LARP4B: variants seen among roughly 807,000 people sequenced by gnomAD.
The protein encoded by LARP4B is La ribonucleoprotein 4B, also known as la-related protein 4B.
A neutral mutation model predicts 89.8 loss-of-function variants in LARP4B; 12 were observed. The observed-to-expected ratio is 0.13, with a 90% CI of 0.09 to 0.22. The LOEUF (loss-of-function observed/expected upper bound fraction) is 0.22. LARP4B is among the 10% of genes least tolerant of loss of function. The probability of loss-of-function intolerance (pLI) is 1.00; values close to 1 mark genes in which losing one functional copy is unlikely to be tolerated. For synonymous variants in LARP4B, 367 were observed against 363.3 expected, an observed-to-expected ratio of 1.01 and a Z score of -0.12; for missense variants, 757 against 947.7, an observed-to-expected ratio of 0.80 and a Z score of 2.64.
At position 822,512 on chromosome 10, in the gene LARP4B, C is replaced by A; in HGVS notation, c.1485-1667G>T. Among the ~76,000 whole-genome samples the A allele has an allele frequency of 6.6e-6, 1 of 152,360 alleles. No homozygotes were observed. The highest frequency in any genetic ancestry group is 1.9e-4 in the East Asian group (1 of 5,190). On this transcript the variant is annotated intron_variant, in intron 13 of 17. Coordinates refer to ENST00000316157, the MANE Select transcript of LARP4B (RefSeq NM_015155.3). This position sits in a 1 kb window ranked among gnomAD's most constrained non-coding sequence, Gnocchi z 4.6. ...AGTGGGCCCAGCCAACACTCCCCCA[C>A]ACCCTCACTGGGCTCCACGTAACCC...
At chr10:867,609 C>A (rs1391758243) in intron 3 of LARP4B, among the ~76,000 whole-genome samples, 1 of 151,996 alleles carries the variant, frequency 6.6e-6, no homozygotes, top group Non-Finnish European at 1.5e-5. Flanking sequence ...GCCTGCGATC[C>A]CAGCATGTTG....
chr10:901,753 A>C (rs1284461586), intron 1 of LARP4B, among the ~76,000 whole-genome samples: 1 of 152,252 alleles, frequency 6.6e-6, no homozygotes, highest in African/African-American at 2.4e-5. Context: ...TGTTGCCAAT[A>C]AATTTCAAGA....
At chr10:857,673 G>C (rs1834378057) in intron 5 of LARP4B, among the ~76,000 whole-genome samples, 1 of 152,146 alleles carries the variant, frequency 6.6e-6, no homozygotes, top group South Asian at 2.1e-4. Flanking sequence ...CCACGTGTAA[G>C]GGGCTTTTGT....
the LARP4B span, among the ~76,000 whole-genome samples, chr10:945,916 C>G: frequency 1.3e-5 from 2 of 152,208 alleles, no homozygotes; most frequent in African/African-American, 4.8e-5. Context: ...CTGCGAGAAG[C>G]TGCCATCTGC....
rs1261089416 is a variant in LARP4B at position 814,425 on chromosome 10, G to A, written c.1929+317C>T. ...CGCACGCACGCAAACATACACACAC[G>A]CGCGAAATGCTGAAATGATCCTAAA... is the stretch of plus-strand genomic sequence containing the variant. On this transcript the variant is annotated intron_variant, in intron 17 of 17. Coordinates refer to ENST00000316157, the MANE Select transcript of LARP4B (RefSeq NM_015155.3). This position sits in a 1 kb window ranked among gnomAD's most constrained non-coding sequence, Gnocchi z 4.4. 7 of 409,676 alleles carry A rather than the reference G, an allele frequency of 1.7e-5. No individual in the cohort carries two copies. Among genetic ancestry groups the A allele is most frequent in the Middle Eastern group, 7.6e-4 (1 of 1,312 alleles). The allele number at this position is 409,676 out of a possible 1,614,324, so 25.4% of individuals were successfully genotyped here.
intron 1 of LARP4B, among the ~76,000 whole-genome samples, chr10:930,514 T>C (rs1465287282): frequency 6.6e-6 from 1 of 152,140 alleles, no homozygotes; most frequent in Non-Finnish European, 1.5e-5. Context: ...TTAAGAACGT[T>C]TTACGTAAAA....
the LARP4B span, among the ~76,000 whole-genome samples, chr10:940,305 C>A: frequency 1.3e-5 from 2 of 152,014 alleles, no homozygotes; most frequent in East Asian, 3.9e-4. Context: ...GCATGAGCCA[C>A]CATGCGCGGG....
chr10:958,339 CA>C, the LARP4B span, among the ~76,000 whole-genome samples: 3,448 of 152,312 alleles, frequency 0.023, 148 homozygotes, highest in African/African-American at 0.078. Flanking sequence ...CACCTGGGCG[CA>C]GACACCCCGT....
chr10:864,257 T>C lies in LARP4B; in HGVS notation c.155A>G (p.Lys52Arg), dbSNP rs764813916. 34 of 1,614,044 alleles carry C rather than the reference T, an allele frequency of 2.1e-5. No individual in the cohort carries two copies. Among genetic ancestry groups the C allele is most frequent in the Non-Finnish European group, 2.7e-5 (32 of 1,180,006 alleles). The change falls in exon 4 of 18, where the codon AAG (lysine) becomes AGG (arginine). Residue 52 changes from lysine to arginine, a missense_variant. Lys to Arg is a conservative substitution (Grantham distance 26). Transcript: ENST00000316157. ...IPPLSQVPAT[K>R]VSELNPNAEV... ...TGCATTAGGGTTCAGCTCTGAAACC[T>C]TAGTTGCTGGTACCTAGGAAGAAAT...
At chr10:988,235 C>T in the LARP4B span, 1 of 482,904 alleles carries the variant, frequency 2.1e-6, no homozygotes, top group African/African-American at 2.0e-5. Flanking sequence ...CCGCGCTCCC[C>T]CTAAAACCCG....
intron 3 of LARP4B, among the ~76,000 whole-genome samples, chr10:864,957 CAAAA>C (rs1834822701): frequency 6.6e-6 from 1 of 151,938 alleles, no homozygotes; most frequent in South Asian, 2.1e-4. Flanking sequence ...ATCTCTAAAA[CAAAA>C]GAAAGAAAGA....
At chr10:906,938 C>A (rs897354932) in intron 1 of LARP4B, among the ~76,000 whole-genome samples, 1 of 152,216 alleles carries the variant, frequency 6.6e-6, no homozygotes. Flanking sequence ...CCAAACTCCA[C>A]AGATTCTTCC....
At chr10:918,738 T>C (rs1383249717) in intron 1 of LARP4B, among the ~76,000 whole-genome samples, 1 of 151,112 alleles carries the variant, frequency 6.6e-6, no homozygotes, top group Admixed American at 6.6e-5. Flanking sequence ...GAAATGTAGA[T>C]AACTTTACTC....
At chr10:926,329 T>C (rs546228947) in intron 1 of LARP4B, among the ~76,000 whole-genome samples, 24 of 152,330 alleles carry the variant, frequency 1.6e-4, no homozygotes, top group African/African-American at 5.8e-4. Context: ...TTAAGGATGG[T>C]TTAAGGAGCT....
At position 829,742 on chromosome 10, in the gene LARP4B, C is replaced by CA; in HGVS notation, c.862-9dup. The CA allele has an allele frequency of 1.2e-6, 2 of 1,606,798 alleles. No individual in the cohort carries two copies. The highest frequency in any genetic ancestry group is 4.5e-5 in the East Asian group (2 of 44,764). On this transcript the variant is annotated splice_polypyrimidine_tract_variant and intron_variant, in intron 9 of 17. Coordinates refer to ENST00000316157, the MANE Select transcript of LARP4B (RefSeq NM_015155.3). ...TCGAAGGTATTTGTAAGCCTAAGGG[C>CA]AAAATTAAGTACAAAATTCCATTCG... is the stretch of plus-strand genomic sequence containing the variant.
intron 5 of LARP4B, among the ~76,000 whole-genome samples, chr10:851,017 A>G (rs1564405339): frequency 1.3e-5 from 2 of 152,172 alleles, no homozygotes; most frequent in Admixed American, 1.3e-4. Context: ...AGAAAATAAG[A>G]AAGGCCTCAT....
chr10:964,548 A>G, the LARP4B span, among the ~76,000 whole-genome samples: 1 of 152,300 alleles, frequency 6.6e-6, no homozygotes, highest in East Asian at 1.9e-4. Flanking sequence ...TTTGGGCTTC[A>G]TAAAAACTGG....
chr10:987,862 G>A, the LARP4B span: 3 of 152,360 alleles, frequency 2.0e-5, no homozygotes, highest in African/African-American at 7.2e-5. Flanking sequence ...GCCCGTTTTG[G>A]GATTTAACAA....
chr10:919,848 C>G (rs1836931671), intron 1 of LARP4B, among the ~76,000 whole-genome samples: 1 of 152,200 alleles, frequency 6.6e-6, no homozygotes, highest in South Asian at 2.1e-4. Context: ...ATGAATTTCT[C>G]TTAGACTATT....
Sources: gnomAD v4.1 joint callset for allele counts (sites outside exome capture counted in the v4.1 genomes callset) on GRCh38, gnomAD v4.1.1 for gene constraint, Gnocchi (gnomAD v3.1) non-coding constraint, MANE v1.5 for transcripts, NCBI Gene and HGNC (gene_info 2026-07-23, HGNC 2026-07-21) for gene names.